TBC1D8: variants seen among roughly 807,000 people sequenced by gnomAD.
TBC1D8 encodes the protein BUB2-like protein 1.
Under a neutral mutation model 118.8 loss-of-function variants are expected in TBC1D8, and 65 were observed. The observed-to-expected ratio is 0.55, with a 90% confidence interval of 0.45 to 0.67. The LOEUF (loss-of-function observed/expected upper bound fraction) is 0.67. Among genes scored for constraint, TBC1D8 ranks in the 30% least tolerant of loss-of-function variants. TBC1D8 has a pLI of 0.00. For synonymous variants in TBC1D8, 566 were observed against 595.8 expected, an observed-to-expected ratio of 0.95 and a Z score of 0.73; for missense variants, 1,376 against 1,471.2, an observed-to-expected ratio of 0.94 and a Z score of 1.06.
intron 2 of TBC1D8, among the ~76,000 whole-genome samples, chr2:101,062,552 A>G (rs181595373): frequency 5.8e-4 from 89 of 152,368 alleles, no homozygotes; most frequent in African/African-American, 2.0e-3. Context: ...GTCCAAAATC[A>G]TATCAAATGA....
chr2:101,071,623 A>G (rs1674440827), intron 2 of TBC1D8, among the ~76,000 whole-genome samples: 1 of 152,234 alleles, frequency 6.6e-6, no homozygotes, highest in East Asian at 1.9e-4. Flanking sequence ...GGTCTAGATC[A>G]GAGTAGTAAA....
At chr2:101,067,915 C>A (rs1456780810) in intron 2 of TBC1D8, among the ~76,000 whole-genome samples, 2 of 152,194 alleles carry the variant, frequency 1.3e-5, no homozygotes, top group African/African-American at 4.8e-5. Context: ...CCTTTGTTGT[C>A]ATTTCAACAA....
chr2:101,027,281 G>A (rs543512419), intron 15 of TBC1D8, 102 bp downstream of exon 15: 154 of 1,084,596 alleles, frequency 1.4e-4, no homozygotes, highest in South Asian at 1.8e-4. Flanking sequence ...TCTGCTCCAC[G>A]GAGCCCTGCA....
intron 10 of TBC1D8, 112 bp from the exon 11 acceptor site, chr2:101,032,497 G>T: frequency 1.2e-6 from 1 of 828,552 alleles, no homozygotes. Context: ...ATAGGTGAGA[G>T]ATCCAGCATA....
chr2:101,121,159 GA>G (rs1305628702), intron 1 of TBC1D8, among the ~76,000 whole-genome samples: 2 of 151,858 alleles, frequency 1.3e-5, no homozygotes, highest in East Asian at 1.9e-4. Flanking sequence ...TTGAGGAAAA[GA>G]AAAAAATAAG....
At chr2:101,141,868 C>A (rs1558731169) in intron 1 of TBC1D8, among the ~76,000 whole-genome samples, 1 of 149,262 alleles carries the variant, frequency 6.7e-6, no homozygotes, top group African/African-American at 2.5e-5. Context: ...GGTAAGCCAA[C>A]AAAAAAAATG....
intron 2 of TBC1D8, among the ~76,000 whole-genome samples, chr2:101,083,204 AC>A (rs1675378548): frequency 6.6e-6 from 1 of 152,164 alleles, no homozygotes; most frequent in Non-Finnish European, 1.5e-5. Flanking sequence ...CTCATGGTTT[AC>A]TGAGCATTGA....
chr2:101,075,838 C>T (rs1414330381), intron 2 of TBC1D8, among the ~76,000 whole-genome samples: 1 of 152,020 alleles, frequency 6.6e-6, no homozygotes, highest in Admixed American at 6.6e-5. Context: ...ATCTACATAC[C>T]AAAAAAATCC....
At chr2:101,082,826 T>C (rs1210455657) in intron 2 of TBC1D8, among the ~76,000 whole-genome samples, 1 of 145,706 alleles carries the variant, frequency 6.9e-6, no homozygotes, top group Non-Finnish European at 1.5e-5. Context: ...TTTGGGAAGA[T>C]GAAAAAAGTT....
chr2:101,066,719 G>T (rs1176915298), intron 2 of TBC1D8, among the ~76,000 whole-genome samples: 2 of 152,058 alleles, frequency 1.3e-5, no homozygotes, highest in East Asian at 3.9e-4. Flanking sequence ...GGCTGAGGCG[G>T]GCAGATCACA....
At chr2:101,052,951 C>T (rs1342837966) in intron 4 of TBC1D8, among the ~76,000 whole-genome samples, 1 of 152,316 alleles carries the variant, frequency 6.6e-6, no homozygotes, top group East Asian at 1.9e-4. Context: ...ATATGCTCCA[C>T]CTACACCACC....
chr2:101,045,787 C>T (rs1035682632), intron 5 of TBC1D8, among the ~76,000 whole-genome samples: 5 of 152,042 alleles, frequency 3.3e-5, no homozygotes, highest in South Asian at 2.1e-4. Flanking sequence ...TGAGACCAGG[C>T]GTTCAAGACC....
intron 2 of TBC1D8, among the ~76,000 whole-genome samples, chr2:101,085,313 A>G (rs1370125958): frequency 6.6e-6 from 1 of 152,124 alleles, no homozygotes; most frequent in Non-Finnish European, 1.5e-5. Flanking sequence ...GTGGTTACAA[A>G]GGGCATGGAT....
At chr2:101,073,293 T>G (rs566681240) in intron 2 of TBC1D8, among the ~76,000 whole-genome samples, 1 of 131,622 alleles carries the variant, frequency 7.6e-6, no homozygotes, top group African/African-American at 3.0e-5. Context: ...TTTATTTTAT[T>G]TTATTTATTT....
intron 1 of TBC1D8, among the ~76,000 whole-genome samples, chr2:101,094,583 G>C (rs1676267516): frequency 6.6e-6 from 1 of 152,204 alleles, no homozygotes; most frequent in South Asian, 2.1e-4. Flanking sequence ...AGCAGGGAGG[G>C]TGTGCAGCCA....
chr2:101,058,969 T>C (rs1012514014), intron 3 of TBC1D8, among the ~76,000 whole-genome samples: 6 of 152,036 alleles, frequency 3.9e-5, no homozygotes, highest in Non-Finnish European at 8.8e-5. Flanking sequence ...GCAGTGGCTC[T>C]GTCTCGGCTC....
chr2:101,088,070 ACT>A (rs1476663934), intron 2 of TBC1D8, among the ~76,000 whole-genome samples: 1 of 152,188 alleles, frequency 6.6e-6, no homozygotes, highest in Non-Finnish European at 1.5e-5. Context: ...CAAGTGTAAT[ACT>A]TTTGTTATAA....
intron 1 of TBC1D8, among the ~76,000 whole-genome samples, chr2:101,091,217 G>A (rs1676013847): frequency 6.6e-6 from 1 of 152,062 alleles, no homozygotes; most frequent in African/African-American, 2.4e-5. Flanking sequence ...CCCAGCAGGT[G>A]GAGGTTGCAG....
chr2:101,082,509 G>A (rs573838529), intron 2 of TBC1D8, among the ~76,000 whole-genome samples: 86 of 152,272 alleles, frequency 5.6e-4, no homozygotes, highest in African/African-American at 2.0e-3. Context: ...CACACACCAC[G>A]TCCTTGTTTC....
Sources: allele counts gnomAD v4.1 joint callset (sites outside exome capture counted in the v4.1 genomes callset), GRCh38; gene constraint gnomAD v4.1.1; transcripts MANE v1.5; gene names NCBI Gene and HGNC (gene_info 2026-07-23, HGNC 2026-07-21).